The following ABL1 variants were observed in gnomAD, a reference collection of about 807,000 sequenced individuals.
ABL1 encodes the protein tyrosine-protein kinase ABL1.
ABL1 carries 11 observed loss-of-function variants against 94.7 expected under a neutral mutation model. The observed-to-expected ratio is 0.12, with a 90% confidence interval of 0.07 to 0.19. ABL1 has a LOEUF of 0.19. Ranked by LOEUF, ABL1 falls within the 10% of genes least tolerant of loss-of-function variation. The pLI is 1.00. For synonymous variants in ABL1, 656 were observed against 622.4 expected (o/e 1.05, Z -0.80); for missense variants, 1,082 against 1,489.4 (o/e 0.73, Z 4.50).
chr9:130,797,236 G>GGAAAAAAAAAAAAAAA (rs1491324780), intron 1 of ABL1, among the ~76,000 whole-genome samples: 2 of 55,168 alleles, frequency 3.6e-5, no homozygotes, highest in Admixed American at 2.8e-4. Context: ...ACTCCATCTC[G>GGAAAAAAAAAAAAAAA]AAAAAAAAAA....
At chr9:130,877,148 G>A (rs911028427) in intron 7 of ABL1, among the ~76,000 whole-genome samples, 2 of 147,826 alleles carry the variant, frequency 1.4e-5, no homozygotes, top group Non-Finnish European at 3.0e-5. Flanking sequence ...AGATTGTCTC[G>A]TCTTTGGCCA....
chr9:130,738,180 A>G (rs916483922), intron 1 of ABL1, among the ~76,000 whole-genome samples: 1 of 152,142 alleles, frequency 6.6e-6, no homozygotes, highest in Non-Finnish European at 1.5e-5. Context: ...ATAAGACCCG[A>G]GACCAAGGAA....
Position 130,727,751 on chromosome 9 carries a change from G to GTCCCC in ABL1, c.136+13296_136+13297insTCCCC, listed in dbSNP as rs1490319353. On this transcript the variant is annotated intron_variant, in intron 1 of 10. Coordinates refer to the ABL1 transcript ENST00000372348. ...AGCCTGGGTGACAGAGTGAGACACC[G>GTCCCC]CCCCCCCCCCCCAAAAAAAAGCATT... 2.3e-5 allele frequency among the ~76,000 whole-genome samples: 2 copies of GTCCCC among 88,208 alleles called. 1 individual carries two copies. The highest frequency in any genetic ancestry group is 1.5e-4 in the African/African-American group (2 of 13,606). The allele number at this position is 88,208 out of a possible 152,430, so 57.9% of individuals were successfully genotyped here.
intron 4 of ABL1, among the ~76,000 whole-genome samples, chr9:130,864,228 A>G (rs1831120810): frequency 6.6e-6 from 1 of 152,130 alleles, no homozygotes; most frequent in Non-Finnish European, 1.5e-5. Context: ...AGGACCCTGG[A>G]TATTTCTCAG....
chr9:130,860,312 G>A (rs1156380818), intron 3 of ABL1, among the ~76,000 whole-genome samples: 1 of 152,180 alleles, frequency 6.6e-6, no homozygotes, highest in African/African-American at 2.4e-5. Context: ...GTGTCAGTAT[G>A]TAAGTTTTAT....
intron 1 of ABL1, among the ~76,000 whole-genome samples, chr9:130,796,067 G>T (rs1019251721): frequency 1.4e-4 from 22 of 152,280 alleles, no homozygotes; most frequent in African/African-American, 4.8e-4. Flanking sequence ...CAGCTACTCG[G>T]GAGGCTGAGG....
chr9:130,805,286 G>C (rs1830109876), intron 1 of ABL1, among the ~76,000 whole-genome samples: 1 of 152,122 alleles, frequency 6.6e-6, no homozygotes, highest in Non-Finnish European at 1.5e-5. Context: ...CACAATATTG[G>C]TCAGGCTGGT....
chr9:130,820,947 C>T (rs1232891843), intron 1 of ABL1, among the ~76,000 whole-genome samples: 1 of 149,674 alleles, frequency 6.7e-6, no homozygotes, highest in African/African-American at 2.5e-5. Context: ...ATTTTTTTTT[C>T]GAGACAGAGT....
chr9:130,826,633 CAGAA>C (rs1262961218), intron 1 of ABL1, among the ~76,000 whole-genome samples: 3 of 152,200 alleles, frequency 2.0e-5, no homozygotes, highest in Non-Finnish European at 2.9e-5. Flanking sequence ...ATTAGTACCA[CAGAA>C]AGCAGGGGAT....
intron 1 of ABL1, among the ~76,000 whole-genome samples, chr9:130,786,564 G>A (rs766131476): frequency 1.3e-5 from 2 of 152,094 alleles, no homozygotes; most frequent in African/African-American, 4.8e-5. Flanking sequence ...CCTCTTCCTC[G>A]GAATTTGCGG....
intron 1 of ABL1, among the ~76,000 whole-genome samples, chr9:130,824,892 C>A (rs1830405276): frequency 6.6e-6 from 1 of 152,096 alleles, no homozygotes; most frequent in Non-Finnish European, 1.5e-5. Flanking sequence ...TTTAGAGATC[C>A]CATTGCTCCT....
intron 1 of ABL1, among the ~76,000 whole-genome samples, chr9:130,829,859 G>A (rs188581654): frequency 2.0e-5 from 3 of 152,236 alleles, no homozygotes; most frequent in Non-Finnish European, 2.9e-5. Context: ...TGTTTTGGGG[G>A]GTTATGGATG....
At chr9:130,848,606 T>G (rs1830811349) in intron 1 of ABL1, among the ~76,000 whole-genome samples, 1 of 152,038 alleles carries the variant, frequency 6.6e-6, no homozygotes, top group South Asian at 2.1e-4. Flanking sequence ...CAATCCACAT[T>G]TTTTGTGAGA....
chr9:130,873,283 A>T (rs1005780878), intron 6 of ABL1, among the ~76,000 whole-genome samples: 1 of 152,254 alleles, frequency 6.6e-6, no homozygotes, highest in Non-Finnish European at 1.5e-5. Flanking sequence ...TCCCCGGAGT[A>T]AGGAATATTT....
intron 1 of ABL1, among the ~76,000 whole-genome samples, chr9:130,724,360 T>A (rs967080821): frequency 6.6e-6 from 1 of 152,250 alleles, no homozygotes; most frequent in African/African-American, 2.4e-5. Flanking sequence ...TTACAAGGAA[T>A]GAAAGTTCTC....
At chr9:130,819,459 A>G (rs1830329797) in intron 1 of ABL1, among the ~76,000 whole-genome samples, 1 of 152,006 alleles carries the variant, frequency 6.6e-6, no homozygotes, top group Non-Finnish European at 1.5e-5. Context: ...GGCCATTCCC[A>G]AATCTCTGAT....
Position 130,863,392 on chromosome 9 carries a change from GA to G in ABL1, c.822+364del, listed in dbSNP as rs1437735569. 6.6e-6 allele frequency among the ~76,000 whole-genome samples: 1 copy of G among 151,982 alleles called. No homozygotes were observed. On this transcript the variant is annotated intron_variant, in intron 4 of 10. Coordinates refer to ENST00000318560, the MANE Select transcript of ABL1 (RefSeq NM_005157.6). This position sits in a 1 kb window ranked among gnomAD's most constrained non-coding sequence, Gnocchi z 4.3. ...TCACTTCCTACCGAGAGTTAAGGAG[GA>G]AAAAAAGATCTCTGAGTTTTGAAAG...
chr9:130,772,952 A>G (rs1439968421), intron 1 of ABL1, among the ~76,000 whole-genome samples: 1 of 152,236 alleles, frequency 6.6e-6, no homozygotes, highest in African/African-American at 2.4e-5. Context: ...CCTGATCCCT[A>G]AAATATAATA....
At chr9:130,881,563 C>G (rs1337683977) in intron 10 of ABL1, among the ~76,000 whole-genome samples, 1 of 152,158 alleles carries the variant, frequency 6.6e-6, no homozygotes, top group African/African-American at 2.4e-5. Context: ...TTCACTACCA[C>G]GAGAATGTGG....
Sources: allele counts gnomAD v4.1 joint callset (sites outside exome capture counted in the v4.1 genomes callset), GRCh38; gene constraint gnomAD v4.1.1; non-coding constraint Gnocchi (gnomAD v3.1); transcripts MANE v1.5; gene names NCBI Gene and HGNC (gene_info 2026-07-23, HGNC 2026-07-21).